The following CAMTA1 variants were observed in gnomAD, a reference collection of about 807,000 sequenced individuals.
The protein encoded by CAMTA1 is calmodulin-binding transcription activator 1.
In CAMTA1, 27 loss-of-function variants were observed where a neutral mutation model predicts 170.9. The ratio of observed to expected loss-of-function variants is 0.16; its 90% CI spans 0.12 to 0.22. CAMTA1 has a LOEUF of 0.22. Ranked by LOEUF, CAMTA1 falls within the 10% of genes least tolerant of loss-of-function variation. The probability of loss-of-function intolerance (pLI) is 1.00; values close to 1 mark genes in which losing one functional copy is unlikely to be tolerated. For synonymous variants in CAMTA1, 833 were observed against 891.5 expected (o/e 0.93, Z 1.17); for missense variants, 1,619 against 2,217.2 (o/e 0.73, Z 5.42).
rs1406174896 is a variant in CAMTA1 at position 7,592,841 on chromosome 1, G to A, written c.511-47559G>A. ...AACAGTAACAACAGTAATAGCTATG[G>A]CCATGTGTTAAACATTAGGGCGGGA... On this transcript the variant is annotated intron_variant, in intron 6 of 22. Transcript: ENST00000303635. The surrounding 1 kb of genome is among the most constrained non-coding windows in gnomAD (Gnocchi z 4.6). Among the ~76,000 whole-genome samples, 1 of 152,140 alleles carries A rather than the reference G, an allele frequency of 6.6e-6. No individual in the cohort carries two copies. The highest frequency in any genetic ancestry group is 1.5e-5 in the Non-Finnish European group (1 of 68,032).
chr1:7,509,341 CAG>C (rs1197674509), intron 6 of CAMTA1, among the ~76,000 whole-genome samples: 3 of 152,148 alleles, frequency 2.0e-5, no homozygotes, highest in African/African-American at 7.2e-5. Flanking sequence ...GGCCAGATGA[CAG>C]AGCTGCCTTC....
chr1:7,212,764 TC>T (rs1659013280), intron 4 of CAMTA1, among the ~76,000 whole-genome samples: 1 of 151,996 alleles, frequency 6.6e-6, no homozygotes, highest in Admixed American at 6.6e-5. Flanking sequence ...CTTCCTCCCC[TC>T]CCCTACACCC....
chr1:7,355,913 T>A (rs1424895664), intron 5 of CAMTA1, among the ~76,000 whole-genome samples: 1 of 152,246 alleles, frequency 6.6e-6, no homozygotes, highest in Non-Finnish European at 1.5e-5. Context: ...AGATTTTCAA[T>A]AGCTGGATCC....
intron 6 of CAMTA1, among the ~76,000 whole-genome samples, chr1:7,544,137 A>T (rs1175825071): frequency 6.6e-6 from 1 of 152,214 alleles, no homozygotes; most frequent in Non-Finnish European, 1.5e-5. Flanking sequence ...AATTGGACTT[A>T]CAGTTCCACA....
chr1:7,378,678 T>C (rs1001130553), intron 5 of CAMTA1, among the ~76,000 whole-genome samples: 1 of 152,100 alleles, frequency 6.6e-6, no homozygotes, highest in Non-Finnish European at 1.5e-5. Flanking sequence ...TAGACAGTGG[T>C]GATGGTTACA....
chr1:7,741,202 G>C (rs760255777), intron 16 of CAMTA1, among the ~76,000 whole-genome samples: 1 of 151,990 alleles, frequency 6.6e-6, no homozygotes, highest in African/African-American at 2.4e-5. Flanking sequence ...TCGGGTTCAG[G>C]GACAGTAACA....
At chr1:7,467,937 G>A (rs764095264) in intron 6 of CAMTA1, 36 bp downstream of exon 6, 32 of 1,557,724 alleles carry the variant, frequency 2.1e-5, no homozygotes, top group South Asian at 1.0e-4. Context: ...TTCTGTCTCT[G>A]GTGCTCGGGA....
intron 6 of CAMTA1, among the ~76,000 whole-genome samples, chr1:7,500,624 C>T (rs545788948): frequency 1.3e-5 from 2 of 152,272 alleles, no homozygotes; most frequent in East Asian, 1.9e-4. Context: ...GCAGCAGCCT[C>T]CTCTCAAGGG....
intron 1 of CAMTA1, among the ~76,000 whole-genome samples, chr1:6,804,519 G>A (rs1426113383): frequency 6.6e-6 from 1 of 151,686 alleles, no homozygotes; most frequent in Non-Finnish European, 1.5e-5. Flanking sequence ...TCCTCCTCCC[G>A]GCCCTAGTCA....
chr1:7,247,015 C>T (rs922817710), intron 4 of CAMTA1, among the ~76,000 whole-genome samples: 12 of 152,206 alleles, frequency 7.9e-5, no homozygotes, highest in African/African-American at 2.2e-4. Flanking sequence ...GTGGGCCCTT[C>T]TGCAGCCTGT....
chr1:6,908,215 C>T (rs997052866), intron 3 of CAMTA1, among the ~76,000 whole-genome samples: 13 of 152,226 alleles, frequency 8.5e-5, no homozygotes, highest in Non-Finnish European at 1.2e-4. Flanking sequence ...CATCATCCCA[C>T]GTCCTGTCCC....
intron 11 of CAMTA1, among the ~76,000 whole-genome samples, chr1:7,696,155 T>C (rs761322430): frequency 5.4e-4 from 82 of 150,758 alleles, no homozygotes; most frequent in Non-Finnish European, 1.0e-3. Flanking sequence ...AGCACACTTG[T>C]TTCTCTTTAA....
At chr1:7,765,597 A>G (rs1399083588) in intron 22 of CAMTA1, among the ~76,000 whole-genome samples, 1 of 152,228 alleles carries the variant, frequency 6.6e-6, no homozygotes, top group East Asian at 1.9e-4. Flanking sequence ...GGAGGAAAGT[A>G]AGGAATTATA....
chr1:7,107,250 G>A (rs550374877), intron 4 of CAMTA1, among the ~76,000 whole-genome samples: 45 of 141,660 alleles, frequency 3.2e-4, no homozygotes, highest in African/African-American at 1.2e-3. Context: ...GGAGAGCCTG[G>A]TGTGTGTGCA....
chr1:7,496,506 C>T (rs573243321), intron 6 of CAMTA1, among the ~76,000 whole-genome samples: 11 of 152,324 alleles, frequency 7.2e-5, no homozygotes, highest in South Asian at 4.1e-4. Flanking sequence ...GCAGACAGGG[C>T]GGACATGGGC....
intron 3 of CAMTA1, among the ~76,000 whole-genome samples, chr1:6,866,057 A>G (rs1279093598): frequency 6.6e-6 from 1 of 152,200 alleles, no homozygotes; most frequent in African/African-American, 2.4e-5. Flanking sequence ...CAGCTTTGAC[A>G]TCTGTGACTT....
At chr1:6,969,123 C>G (rs1692083980) in intron 3 of CAMTA1, among the ~76,000 whole-genome samples, 1 of 152,174 alleles carries the variant, frequency 6.6e-6, no homozygotes. Context: ...GGGGTCCTTG[C>G]TTGGCCTCCG....
intron 10 of CAMTA1, among the ~76,000 whole-genome samples, chr1:7,677,040 C>T (rs2096128466): frequency 1.3e-5 from 2 of 152,164 alleles, no homozygotes; most frequent in South Asian, 2.1e-4. Flanking sequence ...CCCAGCTCAA[C>T]ACCCACTGGG....
chr1:7,081,922 T>C (rs9434829), intron 3 of CAMTA1, among the ~76,000 whole-genome samples: 1 of 152,150 alleles, frequency 6.6e-6, no homozygotes, highest in South Asian at 2.1e-4. Flanking sequence ...GGGCCGCCAA[T>C]TTGTGACCTT....
Sources: gnomAD v4.1 joint callset for allele counts (sites outside exome capture counted in the v4.1 genomes callset) on GRCh38, gnomAD v4.1.1 for gene constraint, Gnocchi (gnomAD v3.1) non-coding constraint, MANE v1.5 for transcripts, NCBI Gene and HGNC (gene_info 2026-07-23, HGNC 2026-07-21) for gene names.